Variants in RIMKLB observed in about 807,000 individuals in gnomAD.
RIMKLB encodes the protein ribosomal modification protein rimK like family member B.
RIMKLB carries 7 observed loss-of-function variants against 32.0 expected under a neutral mutation model. The ratio of observed to expected loss-of-function variants is 0.22; its 90% CI spans 0.12 to 0.41. RIMKLB has a LOEUF of 0.41. Ranked by LOEUF, RIMKLB falls within the 10% of genes least tolerant of loss-of-function variation. The probability of loss-of-function intolerance (pLI) is 1.00; values close to 1 mark genes in which losing one functional copy is unlikely to be tolerated. For missense variants in RIMKLB, 289 were observed against 498.7 expected, an observed-to-expected ratio of 0.58 and a Z score of 4.00; for synonymous variants, 172 against 185.1, an observed-to-expected ratio of 0.93 and a Z score of 0.57.
intron 5 of RIMKLB, among the ~76,000 whole-genome samples, chr12:8,763,007 T>C (rs868585074): frequency 6.6e-6 from 1 of 152,238 alleles, no homozygotes; most frequent in Non-Finnish European, 1.5e-5. Context: ...ACTGGCTCTT[T>C]AATAGAGCCT....
chr12:8,726,260 T>TAAG (rs1945995023), intron 2 of RIMKLB, among the ~76,000 whole-genome samples: 1 of 152,372 alleles, frequency 6.6e-6, no homozygotes, highest in East Asian at 1.9e-4. Context: ...GATGTAGTGG[T>TAAG]ATCTCTCACT....
chr12:8,742,544 A>G (rs1292008571), intron 2 of RIMKLB: 5 of 362,568 alleles, frequency 1.4e-5, no homozygotes, highest in Admixed American at 6.9e-5. Flanking sequence ...TGGAATATGT[A>G]TCTATAAAAG....
upstream of RIMKLB, among the ~76,000 whole-genome samples, chr12:8,696,143 ATAT>A (rs1233982759): frequency 4.8e-5 from 7 of 147,112 alleles, no homozygotes; most frequent in East Asian, 1.4e-3. Context: ...GGTTAATTAA[ATAT>A]TATTATTGAT....
chr12:8,782,203 G>C (rs1951121283), intron 7 of RIMKLB, among the ~76,000 whole-genome samples: 1 of 151,934 alleles, frequency 6.6e-6, no homozygotes, highest in African/African-American at 2.4e-5. Context: ...AAGTTAACCT[G>C]GAACACAAGA....
chr12:8,773,232 A>C (rs1950542393), intron 5 of RIMKLB, 89 bp from the exon 6 acceptor site: 2 of 877,580 alleles, frequency 2.3e-6, no homozygotes, highest in Non-Finnish European at 3.6e-6. Context: ...CTATTAATTT[A>C]GAAGAAAGGC....
upstream of RIMKLB, among the ~76,000 whole-genome samples, chr12:8,693,995 C>T (rs1942809515): frequency 1.3e-5 from 2 of 152,002 alleles, no homozygotes; most frequent in South Asian, 4.2e-4. Context: ...GTAATCCCAG[C>T]ACTTTGGGAG....
chr12:8,739,605 G>A (rs1947314381), intron 2 of RIMKLB, among the ~76,000 whole-genome samples: 1 of 152,074 alleles, frequency 6.6e-6, no homozygotes, highest in South Asian at 2.1e-4. Flanking sequence ...TGAGTAGCTG[G>A]GGCTATAGGC....
the RIMKLB span, among the ~76,000 whole-genome samples, chr12:8,674,388 G>A: frequency 9.2e-5 from 14 of 151,474 alleles, no homozygotes; most frequent in African/African-American, 1.7e-4. Flanking sequence ...ACAAGTGCCC[G>A]CCACCACGCC....
At chr12:8,710,469 G>T (rs1944285445) in intron 1 of RIMKLB, among the ~76,000 whole-genome samples, 1 of 151,138 alleles carries the variant, frequency 6.6e-6, no homozygotes, top group Non-Finnish European at 1.5e-5. Flanking sequence ...TGCCACACCT[G>T]GCTCATTTTT....
chr12:8,697,251 A>T (rs754675759), upstream of RIMKLB: 3 of 152,308 alleles, frequency 2.0e-5, no homozygotes, highest in East Asian at 5.8e-4. Flanking sequence ...TTCAGCCAGG[A>T]AATTTATCAT....
chr12:8,751,491 A>G (rs1948617250), intron 3 of RIMKLB, among the ~76,000 whole-genome samples: 1 of 152,200 alleles, frequency 6.6e-6, no homozygotes, highest in Non-Finnish European at 1.5e-5. Context: ...AGTAATGGAG[A>G]TAAGAAAAAT....
At chr12:8,682,106 T>A (rs763081129) in intron 1 of RIMKLB, among the ~76,000 whole-genome samples, 3 of 152,168 alleles carry the variant, frequency 2.0e-5, no homozygotes, top group Non-Finnish European at 4.4e-5. Context: ...GTGTCAAAAG[T>A]GTTCTGTGTG....
intron 1 of RIMKLB, among the ~76,000 whole-genome samples, chr12:8,698,504 C>T (rs1267179289): frequency 1.3e-5 from 2 of 152,008 alleles, no homozygotes; most frequent in Non-Finnish European, 2.9e-5. Flanking sequence ...AGGCGGGGCC[C>T]GGCCTTCGCG....
chr12:8,704,491 AAG>A lies in RIMKLB; in HGVS notation c.-57+6198_-57+6199del, dbSNP rs1479865631. 1.1e-4 allele frequency among the ~76,000 whole-genome samples: 16 copies of A among 152,344 alleles called. No homozygotes were observed. In the South Asian group the frequency reaches 2.7e-3, roughly 26 times the overall value. ...TTTCAATCATGACTTAACCTGTAGA[AAG>A]AGAAATTGTCTTTGTAACAAATAGA... On this transcript the variant is annotated intron_variant, in intron 1 of 5. Transcript: ENST00000535829.
intron 5 of RIMKLB, among the ~76,000 whole-genome samples, chr12:8,754,509 C>G (rs1427680708): frequency 6.6e-6 from 1 of 152,168 alleles, no homozygotes; most frequent in Non-Finnish European, 1.5e-5. Context: ...TCTCAGATCT[C>G]TTATTGTTAG....
chr12:8,705,566 A>G, intron 1 of RIMKLB, among the ~76,000 whole-genome samples: 1 of 152,162 alleles, frequency 6.6e-6, no homozygotes. Flanking sequence ...AAGGATGGAA[A>G]TAAAAATTGA....
At chr12:8,698,681 C>T (rs1943088230) in intron 1 of RIMKLB, among the ~76,000 whole-genome samples, 1 of 151,868 alleles carries the variant, frequency 6.6e-6, no homozygotes, top group South Asian at 2.1e-4. Flanking sequence ...GCTGACCTGT[C>T]CTCGGGATTG....
intron 2 of RIMKLB, among the ~76,000 whole-genome samples, chr12:8,718,203 G>A (rs1008516288): frequency 6.6e-6 from 1 of 152,140 alleles, no homozygotes; most frequent in African/African-American, 2.4e-5. Context: ...GATACCCAGT[G>A]TTCTAGCAGG....
intron 1 of RIMKLB, among the ~76,000 whole-genome samples, chr12:8,692,130 A>C (rs760153237): frequency 3.3e-5 from 5 of 152,188 alleles, no homozygotes; most frequent in African/African-American, 1.2e-4. Context: ...TTATACTTCT[A>C]AGATCCTCCC....
Sources: allele counts gnomAD v4.1 joint callset (sites outside exome capture counted in the v4.1 genomes callset), GRCh38; gene constraint gnomAD v4.1.1; transcripts MANE v1.5; gene names NCBI Gene and HGNC (gene_info 2026-07-23, HGNC 2026-07-21).